The following IDE variants were observed in gnomAD, a reference collection of about 807,000 sequenced individuals.
IDE encodes the protein insulin degrading enzyme, also known as insulin-degrading enzyme.
IDE carries 58 observed loss-of-function variants against 133.2 expected under a neutral mutation model. The observed-to-expected ratio is 0.44, with a 90% CI of 0.35 to 0.54. The LOEUF is 0.54. Among genes scored for constraint, IDE ranks in the 20% least tolerant of loss-of-function variants. The pLI is 0.00. For missense variants in IDE, 981 were observed against 1,234.0 expected (o/e 0.79, Z 3.07); for synonymous variants, 396 against 421.3 (o/e 0.94, Z 0.73).
chr10:92,483,218 T>C (rs373718395), intron 14 of IDE, 37 bp downstream of exon 14: 1 of 1,072,276 alleles, frequency 9.3e-7, no homozygotes, highest in African/African-American at 1.6e-5. Context: ...AATTGTTGAT[T>C]TTTATAAGCT....
intron 21 of IDE, among the ~76,000 whole-genome samples, chr10:92,461,813 C>T (rs947213117): frequency 1.3e-5 from 2 of 151,994 alleles, no homozygotes; most frequent in East Asian, 1.9e-4. Context: ...TACAGGCGCC[C>T]GCCACCATGC....
At chr10:92,569,970 T>A (rs1023422233) in intron 1 of IDE, among the ~76,000 whole-genome samples, 4 of 152,072 alleles carry the variant, frequency 2.6e-5, no homozygotes, top group African/African-American at 9.7e-5. Flanking sequence ...ATTAGTTGTG[T>A]GTGGTGGCAC....
Position 92,557,006 on chromosome 10 carries a change from A to G in IDE, c.98+16916T>C, listed in dbSNP as rs1299376625. On this transcript the variant is annotated intron_variant, in intron 1 of 24. Transcript: ENST00000265986. ...TTTAAATGGAAAGACTCCCATGTTC[A>G]TGGATGGGAAGACAGTATTTTTAAG... 3.3e-5 allele frequency among the ~76,000 whole-genome samples: 5 copies of G among 152,140 alleles called. No individual in the cohort carries two copies. The South Asian group carries it at 6.2e-4, about 19-fold the overall frequency.
chr10:92,470,241 C>G lies in IDE; in HGVS notation c.2208+13G>C. 1 of 1,574,236 alleles carries G rather than the reference C, an allele frequency of 6.4e-7. No homozygotes were observed. Among genetic ancestry groups the G allele is most frequent in the African/African-American group, 1.4e-5 (1 of 73,636 alleles). On this transcript the variant is annotated intron_variant, in intron 18 of 24. Coordinates refer to ENST00000265986, the MANE Select transcript of IDE (RefSeq NM_004969.4). ...ATGATCCACAAAAGATTGCTAAAACCTCAACCACCCACCTGCTTTGTTATG... is the reference window on the plus strand; with the variant it reads ...ATGATCCACAAAAGATTGCTAAAACGTCAACCACCCACCTGCTTTGTTATG...
intron 11 of IDE, among the ~76,000 whole-genome samples, chr10:92,496,557 C>T (rs569971592): frequency 2.6e-5 from 4 of 151,970 alleles, no homozygotes; most frequent in East Asian, 1.9e-4. Context: ...AGGCTGAGGC[C>T]GGTGGATCAC....
intron 2 of IDE, among the ~76,000 whole-genome samples, chr10:92,537,023 T>TA (rs1191155279): frequency 2.1e-5 from 3 of 143,842 alleles, no homozygotes; most frequent in African/African-American, 7.8e-5. Flanking sequence ...GGCGACAGAG[T>TA]AAACTCTGTC....
chr10:92,478,866 G>A, intron 15 of IDE: 1 of 677,980 alleles, frequency 1.5e-6, no homozygotes, highest in South Asian at 3.0e-5. Flanking sequence ...TGACCGAAGA[G>A]TATGGATATG....
intron 21 of IDE, 62 bp downstream of exon 21, chr10:92,463,669 G>T: frequency 7.0e-7 from 1 of 1,431,080 alleles, no homozygotes; most frequent in Non-Finnish European, 9.8e-7. Context: ...CCATTTTGTA[G>T]AATGGCCTTA....
At chr10:92,536,010 T>C (rs895231457) in intron 2 of IDE, among the ~76,000 whole-genome samples, 1 of 146,674 alleles carries the variant, frequency 6.8e-6, no homozygotes. Flanking sequence ...CACTCCAGCC[T>C]CGGCAACAGA....
At chr10:92,518,769 G>A (rs943323084) in intron 4 of IDE, among the ~76,000 whole-genome samples, 1 of 152,036 alleles carries the variant, frequency 6.6e-6, no homozygotes, top group African/African-American at 2.4e-5. Context: ...ACAAAATGTT[G>A]AATGAAAAAA....
At chr10:92,465,888 G>C in intron 19 of IDE, 45 bp from the exon 20 acceptor site, 8 of 1,569,708 alleles carry the variant, frequency 5.1e-6, no homozygotes, top group Non-Finnish European at 7.0e-6. Context: ...AAACTTATTT[G>C]GGGTTTAATA....
chr10:92,461,364 T>TA, intron 21 of IDE, 112 bp from the exon 22 acceptor site: 1 of 415,386 alleles, frequency 2.4e-6, no homozygotes, highest in South Asian at 3.0e-5. Context: ...TCCATATATA[T>TA]TTTTTTTTGA....
At chr10:92,460,041 G>A (rs1447537398) in intron 22 of IDE, among the ~76,000 whole-genome samples, 2 of 151,890 alleles carry the variant, frequency 1.3e-5, no homozygotes, top group Non-Finnish European at 2.9e-5. Context: ...GTTTCACTAT[G>A]TTGGCCAGGC....
At chr10:92,547,277 G>A (rs1842572548) in intron 1 of IDE, among the ~76,000 whole-genome samples, 1 of 150,216 alleles carries the variant, frequency 6.7e-6, no homozygotes, top group Admixed American at 6.7e-5. Flanking sequence ...TAGAGACAGG[G>A]TTTTACCATG....
intron 1 of IDE, among the ~76,000 whole-genome samples, chr10:92,546,280 G>GC (rs1357619452): frequency 6.6e-6 from 1 of 152,176 alleles, no homozygotes; most frequent in Non-Finnish European, 1.5e-5. Flanking sequence ...AATGAAGGGG[G>GC]CTTTGGGGTT....
At chr10:92,531,971 C>A in intron 3 of IDE, 54 bp from the exon 4 acceptor site, 1 of 1,263,526 alleles carries the variant, frequency 7.9e-7, no homozygotes. Context: ...AAAACAATAG[C>A]CTTTTAGAAA....
At chr10:92,507,177 A>T (rs779767370) in intron 9 of IDE, among the ~76,000 whole-genome samples, 1 of 152,204 alleles carries the variant, frequency 6.6e-6, no homozygotes. Flanking sequence ...AATCATACAT[A>T]AAGCAATTCA....
chr10:92,517,867 G>A (rs1849010277), intron 4 of IDE, among the ~76,000 whole-genome samples: 7 of 152,224 alleles, frequency 4.6e-5, no homozygotes, highest in Admixed American at 3.3e-4. Context: ...AGTGAGCCAA[G>A]ATCACACCAC....
At chr10:92,455,739 C>T (rs1047392415) in intron 23 of IDE, 96 bp from the exon 24 acceptor site, 5 of 726,130 alleles carry the variant, frequency 6.9e-6, no homozygotes, top group Non-Finnish European at 9.6e-6. Context: ...TAATTAAAAA[C>T]ACCGCACCAG....
Sources: gnomAD v4.1 joint callset for allele counts (sites outside exome capture counted in the v4.1 genomes callset) on GRCh38, gnomAD v4.1.1 for gene constraint, MANE v1.5 for transcripts, NCBI Gene and HGNC (gene_info 2026-07-23, HGNC 2026-07-21) for gene names.